SMPX: variants seen among roughly 807,000 people sequenced by gnomAD.
SMPX encodes small muscular protein.
Under a neutral mutation model 6.3 loss-of-function variants are expected in SMPX, and 2 were observed. The ratio of observed to expected loss-of-function variants is 0.32; its 90% CI spans 0.13 to 0.99. The LOEUF is 0.99. Ranked by LOEUF, SMPX falls within the 50% of genes least tolerant of loss-of-function variation. SMPX has a pLI of 0.49. For synonymous variants in SMPX, 32 were observed against 24.7 expected, an observed-to-expected ratio of 1.30 and a Z score of -0.88; for missense variants, 60 against 66.8, an observed-to-expected ratio of 0.90 and a Z score of 0.36.
At chrX:21,730,356 GA>G (rs1027464395) in intron 4 of SMPX, among the ~76,000 whole-genome samples, 6 of 112,137 alleles carry the variant, frequency 5.4e-5, no homozygotes, top group African/African-American at 1.9e-4. Flanking sequence ...AAAGCAACAT[GA>G]AAACTAATCT....
chrX:21,747,786 A>G (rs2092823056), intron 2 of SMPX, among the ~76,000 whole-genome samples: 1 of 111,272 alleles, frequency 9.0e-6, no homozygotes, highest in African/African-American at 3.3e-5. Flanking sequence ...TCTGAAGTTC[A>G]GAGGCTTCTG....
At chrX:21,724,748 G>A (rs776110296) in intron 4 of SMPX, among the ~76,000 whole-genome samples, 2 of 111,954 alleles carry the variant, frequency 1.8e-5, no homozygotes, top group African/African-American at 6.5e-5. Context: ...CTTCTCTGGA[G>A]GGAGAAGACA....
At chrX:21,712,515 G>A (rs2092779919) in intron 4 of SMPX, among the ~76,000 whole-genome samples, 1 of 111,017 alleles carries the variant, frequency 9.0e-6, no homozygotes, top group South Asian at 3.9e-4. Context: ...CAGAGTTAGG[G>A]GCTGGCAACT....
chrX:21,720,183 AAGGCT>A (rs1408213059), intron 4 of SMPX, among the ~76,000 whole-genome samples: 4 of 112,618 alleles, frequency 3.6e-5, no homozygotes, highest in Admixed American at 1.9e-4. Context: ...TATGAATTCC[AAGGCT>A]AGGCCATAAA....
chrX:21,733,649 G>T, intron 4 of SMPX: 1 of 319,237 alleles, frequency 3.1e-6, no homozygotes, highest in Non-Finnish European at 6.0e-6. Context: ...TTATTCTTAG[G>T]TTTTACCTTT....
At chrX:21,724,267 G>T (rs775127267) in intron 4 of SMPX, among the ~76,000 whole-genome samples, 1 of 112,001 alleles carries the variant, frequency 8.9e-6, no homozygotes, top group East Asian at 2.8e-4. Flanking sequence ...AGACCCATTT[G>T]TTTGCCACCT....
At position 21,710,857 on chromosome X, in the gene SMPX, T is replaced by G. The variant is rs906998964; in HGVS notation, c.*15-4463A>C. On this transcript the variant is annotated intron_variant, in intron 4 of 4. Coordinates refer to ENST00000379494, the MANE Select transcript of SMPX (RefSeq NM_014332.3). ...ACTACGTGCCAGGAACTCCACCAAC[T>G]GATTACACAGCTACCTTGTTCAGCC... Among the ~76,000 whole-genome samples the G allele has an allele frequency of 1.6e-4, 18 of 111,830 alleles. 1 individual carries two copies. The highest frequency in any genetic ancestry group is 5.5e-4 in the African/African-American group (17 of 30,734).
chrX:21,751,340 C>T (rs922897430), intron 2 of SMPX, among the ~76,000 whole-genome samples: 15 of 112,148 alleles, frequency 1.3e-4, no homozygotes, highest in African/African-American at 4.9e-4. Context: ...CCAAGGAACA[C>T]ACTTTGGAAG....
chrX:21,730,794 A>G (rs1440151417), intron 4 of SMPX, among the ~76,000 whole-genome samples: 2 of 112,303 alleles, frequency 1.8e-5, no homozygotes, highest in African/African-American at 6.5e-5. Context: ...AGTCTCTGTT[A>G]CATTGTTATA....
chrX:21,724,403 T>G (rs778253229), intron 4 of SMPX, among the ~76,000 whole-genome samples: 4 of 112,664 alleles, frequency 3.6e-5, no homozygotes, highest in Non-Finnish European at 7.5e-5. Flanking sequence ...TGTATGTGTA[T>G]AAAGATTACA....
rs777720560 is a variant in SMPX at position 21,746,979 on chromosome X, GCTGA to G, written c.46-3147_46-3144del. On this transcript the variant is annotated intron_variant, in intron 2 of 4. Transcript: ENST00000379494. Reference sequence around the variant, plus strand: ...AATTGGGTCATATTTTGTCTCTTTCGCTGACTTACTCTGTGTTTAAACACAAATG... The same window carrying G: ...AATTGGGTCATATTTTGTCTCTTTCGCTTACTCTGTGTTTAAACACAAATG... Among the ~76,000 whole-genome samples the G allele has an allele frequency of 4.5e-5, 5 of 110,945 alleles. No individual in the cohort carries two copies. In the East Asian group the frequency reaches 1.4e-3, roughly 31 times the overall value.
At chrX:21,752,960 G>A (rs2092829096) in intron 2 of SMPX, among the ~76,000 whole-genome samples, 1 of 111,912 alleles carries the variant, frequency 8.9e-6, no homozygotes, top group Non-Finnish European at 1.9e-5. Context: ...ACCAGTACAG[G>A]ATGGATTAAG....
At chrX:21,755,510 A>G (rs780211601) in intron 1 of SMPX, among the ~76,000 whole-genome samples, 18 of 112,592 alleles carry the variant, frequency 1.6e-4, no homozygotes, top group Non-Finnish European at 3.0e-4. Flanking sequence ...TGATGCAAAT[A>G]TTCATTGTTT....
intron 2 of SMPX, among the ~76,000 whole-genome samples, chrX:21,752,041 A>G (rs2092827941): frequency 8.9e-6 from 1 of 112,647 alleles, no homozygotes; most frequent in Non-Finnish European, 1.9e-5. Flanking sequence ...TGTGTGGCAT[A>G]AAATAGATCG....
chrX:21,756,816 C>T (rs747276394), intron 1 of SMPX, among the ~76,000 whole-genome samples: 4 of 112,758 alleles, frequency 3.5e-5, no homozygotes, highest in East Asian at 2.8e-4. Flanking sequence ...TCAATTACTA[C>T]GTCTCCTGGT....
chrX:21,755,139 G>C (rs1357676755), intron 1 of SMPX, among the ~76,000 whole-genome samples: 1 of 112,653 alleles, frequency 8.9e-6, no homozygotes, highest in African/African-American at 3.2e-5. Context: ...ATTTACTGGG[G>C]ATAGGGGAGA....
intron 4 of SMPX, among the ~76,000 whole-genome samples, chrX:21,712,244 C>G (rs2092779598): frequency 8.9e-6 from 1 of 112,027 alleles, no homozygotes; most frequent in Admixed American, 9.4e-5. Context: ...ACTCATGAAG[C>G]CTTCGGTGGT....
intron 4 of SMPX, among the ~76,000 whole-genome samples, chrX:21,721,358 A>G (rs1258266157): frequency 8.9e-6 from 1 of 112,105 alleles, no homozygotes; most frequent in African/African-American, 3.2e-5. Context: ...TCCCAAATAG[A>G]AGCCATGGCT....
intron 2 of SMPX, among the ~76,000 whole-genome samples, chrX:21,745,703 T>A (rs898854033): frequency 5.4e-5 from 6 of 111,619 alleles, no homozygotes; most frequent in Non-Finnish European, 1.1e-4. Context: ...AGTTAACCAG[T>A]TAAAAGTTTA....
Sources: gnomAD v4.1 joint callset for allele counts (sites outside exome capture counted in the v4.1 genomes callset) on GRCh38, gnomAD v4.1.1 for gene constraint, MANE v1.5 for transcripts, NCBI Gene and HGNC (gene_info 2026-07-23, HGNC 2026-07-21) for gene names.